Variants in LSAMP observed in about 807,000 individuals in gnomAD.
LSAMP encodes the protein limbic system-associated membrane protein.
Under a neutral mutation model 38.6 loss-of-function variants are expected in LSAMP, and 7 were observed. The ratio of observed to expected loss-of-function variants is 0.18; its 90% confidence interval spans 0.10 to 0.34. The LOEUF is 0.34. Ranked by LOEUF, LSAMP falls within the 10% of genes least tolerant of loss-of-function variation. The pLI, the probability that LSAMP is intolerant of heterozygous loss-of-function variation, is 1.00. For missense variants in LSAMP, 313 were observed against 420.0 expected (o/e 0.75, Z 2.23); for synonymous variants, 154 against 166.8 (o/e 0.92, Z 0.59).
intron 3 of LSAMP, among the ~76,000 whole-genome samples, chr3:115,980,753 A>T (rs1323071516): frequency 1.3e-5 from 2 of 152,210 alleles, no homozygotes; most frequent in South Asian, 4.1e-4. Context: ...ACAAGCCCCA[A>T]GGTCCCAGCT....
intron 3 of LSAMP, among the ~76,000 whole-genome samples, chr3:115,874,260 A>G (rs1489613396): frequency 6.6e-6 from 1 of 151,974 alleles, no homozygotes; most frequent in African/African-American, 2.4e-5. Flanking sequence ...CCTTCTCCTC[A>G]GTCTTTGGGA....
intron 2 of LSAMP, among the ~76,000 whole-genome samples, chr3:116,081,477 C>G (rs972182602): frequency 6.6e-6 from 1 of 151,706 alleles, no homozygotes; most frequent in Non-Finnish European, 1.5e-5. Context: ...GGTTGGGTTT[C>G]CTAATATTTA....
chr3:116,119,032 A>T (rs895027481), intron 1 of LSAMP, among the ~76,000 whole-genome samples: 6 of 152,152 alleles, frequency 3.9e-5, no homozygotes, highest in African/African-American at 1.4e-4. Context: ...GTATAGCAAA[A>T]TGTTTAGTAA....
intron 3 of LSAMP, among the ~76,000 whole-genome samples, chr3:115,913,060 AT>A (rs1429244253): frequency 6.6e-6 from 1 of 152,196 alleles, no homozygotes; most frequent in African/African-American, 2.4e-5. Flanking sequence ...CCCAAGTTAG[AT>A]TTTTAAGTAA....
chr3:115,944,688 C>T (rs1246634634), intron 3 of LSAMP, among the ~76,000 whole-genome samples: 2 of 152,126 alleles, frequency 1.3e-5, no homozygotes, highest in Non-Finnish European at 1.5e-5. Context: ...TATCATTATT[C>T]ACATTTTATG....
intron 4 of LSAMP, among the ~76,000 whole-genome samples, chr3:115,845,976 A>G (rs1362446773): frequency 6.6e-6 from 1 of 152,218 alleles, no homozygotes; most frequent in African/African-American, 2.4e-5. Flanking sequence ...TGATAAATAT[A>G]CAAAGAGCTC....
intron 1 of LSAMP, among the ~76,000 whole-genome samples, chr3:116,270,458 T>C (rs1287098465): frequency 1.3e-5 from 2 of 152,100 alleles, no homozygotes; most frequent in Non-Finnish European, 2.9e-5. Flanking sequence ...GTTTTAGCAG[T>C]TGAGTTTGCA....
intron 3 of LSAMP, among the ~76,000 whole-genome samples, chr3:115,937,998 T>A (rs1401361249): frequency 6.6e-6 from 1 of 152,322 alleles, no homozygotes; most frequent in South Asian, 2.1e-4. Context: ...TAAACTATAG[T>A]CAGTAGTTTG....
chr3:116,443,546 T>C (rs930333673), intron 1 of LSAMP, among the ~76,000 whole-genome samples: 1 of 152,154 alleles, frequency 6.6e-6, no homozygotes, highest in Non-Finnish European at 1.5e-5. Context: ...AGCAGGACAC[T>C]GTGACAGCCA....
Position 116,047,495 on chromosome 3 carries a change from A to G in LSAMP, c.389-27855T>C, listed in dbSNP as rs187846049. ...TTTTTTTCCAGGTTTGTCTCTTCCAATTCCTCTCCATGTTCCTTTTTCTCT... is the reference window on the plus strand; with the variant it reads ...TTTTTTTCCAGGTTTGTCTCTTCCAGTTCCTCTCCATGTTCCTTTTTCTCT... On this transcript the variant is annotated intron_variant, in intron 2 of 6. Transcript: ENST00000490035. 5.2e-4 allele frequency among the ~76,000 whole-genome samples: 78 copies of G among 150,542 alleles called. 1 individual carries two copies. Among genetic ancestry groups the G allele is most frequent in the Middle Eastern group, 3.5e-3 (1 of 286 alleles).
At chr3:116,161,804 A>G (rs943650461) in intron 1 of LSAMP, among the ~76,000 whole-genome samples, 3 of 152,168 alleles carry the variant, frequency 2.0e-5, no homozygotes, top group African/African-American at 7.2e-5. Context: ...TTGGATTCCT[A>G]TGTCAGGCTT....
intron 3 of LSAMP, among the ~76,000 whole-genome samples, chr3:116,016,947 G>GT (rs1411964455): frequency 5.9e-5 from 9 of 152,116 alleles, no homozygotes; most frequent in Admixed American, 5.2e-4. Flanking sequence ...CCCTGTGAGT[G>GT]TATCTATTTT....
At chr3:116,222,662 A>G (rs2046300385) in intron 1 of LSAMP, among the ~76,000 whole-genome samples, 1 of 148,606 alleles carries the variant, frequency 6.7e-6, no homozygotes, top group African/African-American at 2.5e-5. Context: ...GGCTCTCTGA[A>G]GGAAATCAAC....
chr3:116,356,322 A>G (rs1046103142), intron 1 of LSAMP, among the ~76,000 whole-genome samples: 5 of 152,222 alleles, frequency 3.3e-5, no homozygotes, highest in African/African-American at 1.2e-4. Flanking sequence ...TAAGCCAGGC[A>G]CAGAAAGAAA....
chr3:115,944,034 C>T (rs1007626029), intron 3 of LSAMP, among the ~76,000 whole-genome samples: 3 of 152,120 alleles, frequency 2.0e-5, no homozygotes, highest in Non-Finnish European at 4.4e-5. Flanking sequence ...TACAATGCAG[C>T]ATTAAAAACA....
chr3:116,295,301 C>T (rs1282337116), intron 1 of LSAMP, among the ~76,000 whole-genome samples: 2 of 152,162 alleles, frequency 1.3e-5, no homozygotes, highest in African/African-American at 4.8e-5. Context: ...GCAAGAACTT[C>T]CAGTACAATG....
chr3:116,254,135 C>G (rs553303497), intron 1 of LSAMP, among the ~76,000 whole-genome samples: 4 of 152,122 alleles, frequency 2.6e-5, no homozygotes, highest in Non-Finnish European at 5.9e-5. Flanking sequence ...GGGACCATCA[C>G]TTGGTATCCC....
chr3:116,436,965 A>C (rs568132245), intron 1 of LSAMP, among the ~76,000 whole-genome samples: 1 of 151,828 alleles, frequency 6.6e-6, no homozygotes, highest in Non-Finnish European at 1.5e-5. Context: ...CAACAAGTAG[A>C]TAAAGAAAGT....
chr3:115,811,563 AGTGTGTGT>A (rs72037804), intron 6 of LSAMP, among the ~76,000 whole-genome samples: 12 of 150,210 alleles, frequency 8.0e-5, no homozygotes, highest in South Asian at 4.2e-4. Context: ...ATTATGTGTG[AGTGTGTGT>A]GTGTGTGTGT....
Sources: gnomAD v4.1 joint callset for allele counts (sites outside exome capture counted in the v4.1 genomes callset) on GRCh38, gnomAD v4.1.1 for gene constraint, MANE v1.5 for transcripts, NCBI Gene and HGNC (gene_info 2026-07-23, HGNC 2026-07-21) for gene names.